Variants in IP6K1 observed in about 807,000 individuals in gnomAD.
IP6K1 encodes the protein ATP:1D-myo-inositol-hexakisphosphate phosphotransferase.
Under a neutral mutation model 38.3 loss-of-function variants are expected in IP6K1, and 13 were observed. That is an observed-to-expected ratio of 0.34 (90% CI 0.22 to 0.54). The LOEUF is 0.54. Ranked by LOEUF, IP6K1 falls within the 20% of genes least tolerant of loss-of-function variation. IP6K1 has a pLI of 0.92. For synonymous variants in IP6K1, 212 were observed against 229.9 expected, an observed-to-expected ratio of 0.92 and a Z score of 0.70; for missense variants, 397 against 599.8, an observed-to-expected ratio of 0.66 and a Z score of 3.53.
In IP6K1 at chr3:49,766,958, CAAAAAAAAAAAAA is replaced by C. The variant is rs144308874; in HGVS notation, c.-128-18803_-128-18791del. On this transcript the variant is annotated intron_variant, in intron 1 of 5. Coordinates refer to ENST00000321599, the MANE Select transcript of IP6K1 (RefSeq NM_153273.4). ...GGGTGACAAGAGCAAGACTCCGTCT[CAAAAAAAAAAAAA>C]AAAAAAAAAAAAAAAAGAAAGAAAT... Among the ~76,000 whole-genome samples, 8 of 55,420 alleles carry C rather than the reference CAAAAAAAAAAAAA, an allele frequency of 1.4e-4. No homozygotes were observed. The East Asian group carries it at 2.9e-3, about 20-fold the overall frequency. 36.4% of individuals were successfully genotyped at this position (55,420 alleles called of 152,430 possible). A position where few individuals can be genotyped will look rare whatever the true frequency, so the allele number is the denominator to read the frequency against.
chr3:49,768,795 G>A (rs1359778194), intron 1 of IP6K1, among the ~76,000 whole-genome samples: 1 of 151,376 alleles, frequency 6.6e-6, no homozygotes, highest in Non-Finnish European at 1.5e-5. Context: ...TAAAATAGGC[G>A]AATTCATTGA....
rs2080514768 is a variant in IP6K1, at chr3:49,727,191, G to A, written c.1257C>T (p.Asp419=). The A allele has an allele frequency of 6.2e-7, 1 of 1,614,030 alleles. No homozygotes were observed. Among genetic ancestry groups the A allele is most frequent in the African/African-American group, 1.3e-5 (1 of 74,900 alleles). The change falls in exon 6 of 6, where the codon GAC becomes GAT. Residue 419 remains aspartate (D), a synonymous_variant. Coordinates refer to ENST00000321599, the MANE Select transcript of IP6K1 (RefSeq NM_153273.4). The surrounding 1 kb of genome is among the most constrained non-coding windows in gnomAD (Gnocchi z 5.9). ...TCTCCAGGCCAAACACGTAGCCTCT[G>A]TCTGGCCCATCATGCACGGTGGGGT... ...RDDPTVHDGP[D]RGYVFGLENL... is the part of the protein sequence containing the mutation.
rs71080545 is a variant in IP6K1 at position 49,731,887 on chromosome 3, C to CAAAAAAAAAAAAAAAAAAAAAAAAAAAAA, written c.616+903_616+904insTTTTTTTTTTTTTTTTTTTTTTTTTTTTT. Among the ~76,000 whole-genome samples, 24 of 65,326 alleles carry CAAAAAAAAAAAAAAAAAAAAAAAAAAAAA rather than the reference C, an allele frequency of 3.7e-4. 1 individual carries two copies. Among genetic ancestry groups the CAAAAAAAAAAAAAAAAAAAAAAAAAAAAA allele is most frequent in the Non-Finnish European group, 3.8e-4 (13 of 33,918 alleles). The allele number at this position is 65,326 out of a possible 152,430, so 42.9% of individuals were successfully genotyped here. Reference sequence around the variant, plus strand: ...TGGGTAACAGAGTGAGACTCTGTCTCAAAAAAAAAAAAAAAAAAGGAATTC... The same window carrying CAAAAAAAAAAAAAAAAAAAAAAAAAAAAA: ...TGGGTAACAGAGTGAGACTCTGTCTCAAAAAAAAAAAAAAAAAAAAAAAAAAAAAAAAAAAAAAAAAAAAAAAGGAATTC... On this transcript the variant is annotated intron_variant, in intron 4 of 5. Transcript: ENST00000321599.
intron 1 of IP6K1, among the ~76,000 whole-genome samples, chr3:49,783,938 G>A (rs2081089684): frequency 2.0e-5 from 3 of 152,038 alleles, no homozygotes; most frequent in Admixed American, 1.3e-4. Flanking sequence ...CGTCCTCTGG[G>A]TTCAGCACCT....
chr3:49,775,486 C>A, intron 1 of IP6K1: 1 of 648,982 alleles, frequency 1.5e-6, no homozygotes. Context: ...GTCTCTGGTG[C>A]CTATTACTGT....
At chr3:49,758,616 T>C (rs1008537935) in intron 1 of IP6K1, 2 of 152,226 alleles carry the variant, frequency 1.3e-5, no homozygotes, top group Non-Finnish European at 2.9e-5. Context: ...ATGAAAGAAT[T>C]TTAGATGAGA....
intron 1 of IP6K1, among the ~76,000 whole-genome samples, chr3:49,770,540 G>A (rs2080948290): frequency 6.6e-6 from 1 of 152,152 alleles, no homozygotes; most frequent in Non-Finnish European, 1.5e-5. Context: ...AGCTACGCGG[G>A]AGGCTGAAGT....
chr3:49,743,427 C>G (rs1051618596), intron 2 of IP6K1, among the ~76,000 whole-genome samples: 3 of 151,834 alleles, frequency 2.0e-5, no homozygotes, highest in Non-Finnish European at 4.4e-5. Context: ...TCTCTTAAAT[C>G]TCAGCACTAT....
intron 1 of IP6K1, among the ~76,000 whole-genome samples, chr3:49,781,483 AT>A (rs1282759503): frequency 6.6e-6 from 1 of 152,216 alleles, no homozygotes; most frequent in Non-Finnish European, 1.5e-5. Flanking sequence ...GGGACGTTTT[AT>A]AAAGAAGGTA....
At chr3:49,778,325 C>CA (rs1369186483) in intron 1 of IP6K1, among the ~76,000 whole-genome samples, 2,267 of 107,718 alleles carry the variant, frequency 0.021, 66 homozygotes, top group African/African-American at 0.067. Context: ...GACTCGGTCT[C>CA]AAAAAAAAAA....
intron 1 of IP6K1, among the ~76,000 whole-genome samples, chr3:49,783,057 T>C (rs1372239422): frequency 6.6e-6 from 1 of 150,752 alleles, no homozygotes; most frequent in African/African-American, 2.4e-5. Context: ...GAGGCGGAAG[T>C]TGCAGTGAGA....
At chr3:49,764,398 T>A (rs897163285) in intron 1 of IP6K1, among the ~76,000 whole-genome samples, 1 of 151,960 alleles carries the variant, frequency 6.6e-6, no homozygotes, top group African/African-American at 2.4e-5. Flanking sequence ...GAGAAAAATT[T>A]TAAAATATAT....
At chr3:49,783,119 CA>C (rs1177853458) in intron 1 of IP6K1, among the ~76,000 whole-genome samples, 244 of 100,794 alleles carry the variant, frequency 2.4e-3, no homozygotes, top group Admixed American at 3.0e-3. Context: ...GACTCTGTCT[CA>C]AAAAAAAAAA....
chr3:49,761,408 C>T (rs557639515), intron 1 of IP6K1, among the ~76,000 whole-genome samples: 10 of 151,846 alleles, frequency 6.6e-5, no homozygotes, highest in Non-Finnish European at 1.2e-4. Context: ...GGGCGGATCA[C>T]GAGGTCAGGA....
At chr3:49,755,684 T>C (rs1344760174) in intron 1 of IP6K1, among the ~76,000 whole-genome samples, 2 of 152,198 alleles carry the variant, frequency 1.3e-5, no homozygotes, top group Non-Finnish European at 2.9e-5. Flanking sequence ...TTATGAAAAC[T>C]AATTTCTAAT....
rs1372767555 is a variant in IP6K1 at position 49,725,276 on chromosome 3, C to G, written c.*1846G>C. Reference sequence around the variant, plus strand: ...CATCCCCAAAAGGTCCCAAACAGTTCCAGACCCTATGTCTTACCCTCCACC... The same window carrying G: ...CATCCCCAAAAGGTCCCAAACAGTTGCAGACCCTATGTCTTACCCTCCACC... On this transcript the variant is annotated 3_prime_UTR_variant, in exon 6 of 6. Coordinates refer to ENST00000321599, the MANE Select transcript of IP6K1 (RefSeq NM_153273.4). The G allele has an allele frequency of 2.0e-5, 3 of 152,596 alleles. No homozygotes were observed. Among genetic ancestry groups the G allele is most frequent in the Non-Finnish European group, 2.9e-5 (2 of 68,072 alleles). 9.5% of individuals were successfully genotyped at this position (152,596 alleles called of 1,614,324 possible).
rs2080527275 is a variant in IP6K1, at chr3:49,728,240, A to G, written c.655T>C (p.Tyr219His). The G allele has an allele frequency of 6.2e-7, 1 of 1,614,028 alleles. No individual in the cohort carries two copies. The highest frequency in any genetic ancestry group is 1.3e-5 in the African/African-American group (1 of 74,936). Residue 219 changes from tyrosine (Y) to histidine (H), a missense_variant, in exon 5 of 6, where the codon TAC (tyrosine) becomes CAC (histidine). Around this residue, in one of 3 missense-constraint regions of IP6K1, gnomAD observed 62 missense variants for 149.2 expected, o/e 0.42. Transcript: ENST00000321599. ...ATCTTCAGGTCCAACACGCAGGGGT[A>G]CTTGAAGTGGTGCACCACGTTCTCA... ...LLENVVHHFKYPCVLDLKMGT... is the reference protein window; with the variant it reads ...LLENVVHHFKHPCVLDLKMGT...
At chr3:49,756,405 A>G (rs2080823102) in intron 1 of IP6K1, among the ~76,000 whole-genome samples, 1 of 152,138 alleles carries the variant, frequency 6.6e-6, no homozygotes, top group Non-Finnish European at 1.5e-5. Context: ...TTTAGTAAAG[A>G]CCCTTTTGAC....
intron 4 of IP6K1, among the ~76,000 whole-genome samples, chr3:49,732,406 CCACTAGCCA>C (rs1309523388): frequency 1.1e-4 from 16 of 152,114 alleles, no homozygotes; most frequent in Admixed American, 7.9e-4. Context: ...CAATATAGTA[CCACTAGCCA>C]CACTAGCCAC....
Sources: allele counts gnomAD v4.1 joint callset (sites outside exome capture counted in the v4.1 genomes callset), GRCh38; gene constraint gnomAD v4.1.1; regional missense constraint gnomAD v4.1.1; non-coding constraint Gnocchi (gnomAD v3.1); transcripts MANE v1.5; gene names NCBI Gene and HGNC (gene_info 2026-07-23, HGNC 2026-07-21).